The following TNRC6C variants were observed in gnomAD, a reference collection of about 807,000 sequenced individuals.
TNRC6C encodes the protein trinucleotide repeat-containing gene 6C protein.
TNRC6C carries 20 observed loss-of-function variants against 153.7 expected under a neutral mutation model. That is an observed-to-expected ratio of 0.13 (90% CI 0.09 to 0.19). The LOEUF is 0.19. TNRC6C is among the 10% of genes least tolerant of loss of function. The pLI is 1.00. For synonymous variants in TNRC6C, 811 were observed against 841.4 expected, an observed-to-expected ratio of 0.96 and a Z score of 0.63; for missense variants, 1,987 against 2,172.0, an observed-to-expected ratio of 0.91 and a Z score of 1.69.
intron 1 of TNRC6C, among the ~76,000 whole-genome samples, chr17:77,973,762 G>A (rs1276509176): frequency 1.3e-5 from 2 of 152,090 alleles, no homozygotes; most frequent in East Asian, 3.9e-4. Flanking sequence ...ACTAAATCCT[G>A]GGGAATAAAT....
chr17:77,997,575 G>T (rs932834430), intron 1 of TNRC6C, among the ~76,000 whole-genome samples: 2 of 151,948 alleles, frequency 1.3e-5, no homozygotes, highest in Non-Finnish European at 2.9e-5. Flanking sequence ...ATCAGGCCAG[G>T]AATCAGGGTG....
chr17:78,101,627 GTATT>G (rs2073596505), intron 17 of TNRC6C, among the ~76,000 whole-genome samples: 3 of 152,054 alleles, frequency 2.0e-5, no homozygotes, highest in African/African-American at 4.8e-5. Context: ...ATTTACCCAC[GTATT>G]TATTAACAGC....
rs1004878631 is a variant in TNRC6C, at chr17:78,070,508, C to G, written c.2779-577C>G. On this transcript the variant is annotated intron_variant, in intron 5 of 19. Transcript: ENST00000301624. ...TGTGGTGCCGAGCCCTCCCCCACCCCCACTGCTCTTTCTGTAGCTGACCTT... is the reference window on the plus strand; with the variant it reads ...TGTGGTGCCGAGCCCTCCCCCACCCGCACTGCTCTTTCTGTAGCTGACCTT... Among the ~76,000 whole-genome samples the G allele has an allele frequency of 3.6e-4, 55 of 152,134 alleles. 1 individual carries two copies. The highest frequency in any genetic ancestry group is 2.4e-4 in the Non-Finnish European group (16 of 68,028).
chr17:78,013,858 A>G (rs1344999033), intron 1 of TNRC6C, among the ~76,000 whole-genome samples: 3 of 152,218 alleles, frequency 2.0e-5, no homozygotes, highest in Non-Finnish European at 2.9e-5. Flanking sequence ...ATAGCAGGGT[A>G]TGAGGTGAGG....
At chr17:78,008,368 T>G (rs926196279) in intron 1 of TNRC6C, 2 of 152,238 alleles carry the variant, frequency 1.3e-5, no homozygotes, top group Non-Finnish European at 2.9e-5. Context: ...GTCATTTTCT[T>G]TTTAAGATTC....
intron 16 of TNRC6C, among the ~76,000 whole-genome samples, chr17:78,097,227 T>TA (rs1157008170): frequency 1.3e-5 from 2 of 151,972 alleles, no homozygotes; most frequent in African/African-American, 2.4e-5. Flanking sequence ...CCCCATCTCT[T>TA]AAAAAAAAAT....
chr17:77,970,526 A>C (rs2070932395), intron 1 of TNRC6C, among the ~76,000 whole-genome samples: 1 of 152,206 alleles, frequency 6.6e-6, no homozygotes, highest in Non-Finnish European at 1.5e-5. Context: ...CAGGAGAGAT[A>C]TATGTTAAAT....
At chr17:77,968,456 C>G (rs1279398874) in intron 1 of TNRC6C, among the ~76,000 whole-genome samples, 1 of 152,088 alleles carries the variant, frequency 6.6e-6, no homozygotes, top group East Asian at 1.9e-4. Context: ...ACTCTTCTGC[C>G]TCAGCCTCCC....
At chr17:78,052,417 A>G (rs915686988) in intron 3 of TNRC6C, among the ~76,000 whole-genome samples, 2 of 152,162 alleles carry the variant, frequency 1.3e-5, no homozygotes, top group Non-Finnish European at 2.9e-5. Flanking sequence ...AGCTGGGGAA[A>G]CTGCAGGAAG....
At chr17:78,098,632 C>T (rs2073532909) in intron 17 of TNRC6C, 95 bp downstream of exon 20, 1 of 1,390,676 alleles carries the variant, frequency 7.2e-7, no homozygotes, top group Non-Finnish European at 9.7e-7. Context: ...AGGACCCCTG[C>T]CTGTAACTCT....
intron 1 of TNRC6C, 105 bp from the exon 4 acceptor site, chr17:78,031,411 A>AT: frequency 1.2e-6 from 1 of 852,236 alleles, no homozygotes; most frequent in Non-Finnish European, 1.6e-6. Flanking sequence ...AAAGCACTAC[A>AT]TTGTCATTTT....
At chr17:78,042,169 A>G (rs1380244449) in intron 2 of TNRC6C, among the ~76,000 whole-genome samples, 7 of 152,202 alleles carry the variant, frequency 4.6e-5, no homozygotes, top group Non-Finnish European at 1.0e-4. Context: ...ATTTTTATAG[A>G]CACCTATTTA....
At chr17:78,017,991 A>T (rs1243331602) in intron 1 of TNRC6C, among the ~76,000 whole-genome samples, 1 of 152,206 alleles carries the variant, frequency 6.6e-6, no homozygotes. Flanking sequence ...TGTTCCTTTT[A>T]TCATGCTTAC....
At chr17:77,992,201 T>G (rs1301954653) in intron 1 of TNRC6C, among the ~76,000 whole-genome samples, 1 of 150,532 alleles carries the variant, frequency 6.6e-6, no homozygotes, top group African/African-American at 2.5e-5. Flanking sequence ...AGTTTTATCT[T>G]AAGATTAAGC....
intron 5 of TNRC6C, among the ~76,000 whole-genome samples, chr17:78,068,583 C>G (rs930140719): frequency 6.6e-6 from 1 of 152,158 alleles, no homozygotes; most frequent in Non-Finnish European, 1.5e-5. Flanking sequence ...CACTTGAGGT[C>G]AGGAGTTCAA....
chr17:77,978,375 T>A (rs1391276373), intron 1 of TNRC6C, among the ~76,000 whole-genome samples: 3 of 152,178 alleles, frequency 2.0e-5, no homozygotes, highest in African/African-American at 7.2e-5. Flanking sequence ...GGTCATATAG[T>A]AAAGCTCAGT....
intron 1 of TNRC6C, among the ~76,000 whole-genome samples, chr17:77,960,807 A>T (rs1369952423): frequency 6.6e-6 from 1 of 152,222 alleles, no homozygotes; most frequent in African/African-American, 2.4e-5. Flanking sequence ...CAGGGTTTTT[A>T]AAATGACTAG....
At chr17:78,061,123 AG>A (rs2072759962) in intron 3 of TNRC6C, among the ~76,000 whole-genome samples, 1 of 152,222 alleles carries the variant, frequency 6.6e-6, no homozygotes, top group Non-Finnish European at 1.5e-5. Context: ...AAGAAATTGA[AG>A]GGAGGTAACG....
At chr17:78,039,253 A>C (rs561950560) in intron 2 of TNRC6C, among the ~76,000 whole-genome samples, 2 of 151,920 alleles carry the variant, frequency 1.3e-5, no homozygotes, top group South Asian at 4.2e-4. Flanking sequence ...GTGTTTGAGA[A>C]CCAGTTGAAC....
Sources: allele counts gnomAD v4.1 joint callset (sites outside exome capture counted in the v4.1 genomes callset), GRCh38; gene constraint gnomAD v4.1.1; transcripts MANE v1.5; gene names NCBI Gene and HGNC (gene_info 2026-07-23, HGNC 2026-07-21).